The following MGST1 variants were observed in gnomAD, a reference collection of about 807,000 sequenced individuals.
MGST1 encodes glutathione S-transferase 12.
Under a neutral mutation model 8.9 loss-of-function variants are expected in MGST1, and 5 were observed. The observed-to-expected ratio is 0.56, with a 90% confidence interval of 0.29 to 1.19. MGST1 has a LOEUF of 1.19. MGST1 is among the 50% of genes most tolerant of loss of function. The pLI, the probability that MGST1 is intolerant of heterozygous loss-of-function variation, is 0.08. For missense variants in MGST1, 182 were observed against 187.4 expected (o/e 0.97, Z 0.17); for synonymous variants, 54 against 67.8 (o/e 0.80, Z 1.00).
chr12:16,429,425 C>G (rs1328460184), intron 1 of MGST1, among the ~76,000 whole-genome samples: 1 of 151,932 alleles, frequency 6.6e-6, no homozygotes, highest in Non-Finnish European at 1.5e-5. Context: ...TTTATATTTT[C>G]TCTCCCTTCA....
chr12:16,415,804 T>G (rs948873075), intron 1 of MGST1, among the ~76,000 whole-genome samples: 3 of 152,070 alleles, frequency 2.0e-5, no homozygotes, highest in Non-Finnish European at 2.9e-5. Flanking sequence ...ACCGCCCATG[T>G]TTTTCAAAGA....
At chr12:16,404,631 T>C (rs1940684733) in intron 1 of MGST1, among the ~76,000 whole-genome samples, 1 of 152,174 alleles carries the variant, frequency 6.6e-6, no homozygotes, top group South Asian at 2.1e-4. Flanking sequence ...TTTAACCTTC[T>C]CTGGGACATT....
At chr12:16,373,945 CT>C (rs1226493319) in intron 3 of MGST1, among the ~76,000 whole-genome samples, 5 of 152,114 alleles carry the variant, frequency 3.3e-5, no homozygotes, top group African/African-American at 1.2e-4. Flanking sequence ...CTTGTATGTG[CT>C]TTCCCTAGTA....
rs1473954536 is a variant in MGST1 at position 16,537,484 on chromosome 12, C to T, written n.483-52044C>T. On this transcript the variant is annotated intron_variant and non_coding_transcript_variant, in intron 4 of 4. Coordinates refer to the MGST1 transcript ENST00000538857. This position sits in a 1 kb window ranked among gnomAD's most constrained non-coding sequence, Gnocchi z 4.6. ...ACTAGGAGGTGCCCCAGTATGGACT[C>T]TGTGTGGGGGCACCAACCCCACATT... Among the ~76,000 whole-genome samples, 1 of 152,210 alleles carries T rather than the reference C, an allele frequency of 6.6e-6. No individual in the cohort carries two copies. Among genetic ancestry groups the T allele is most frequent in the Non-Finnish European group, 1.5e-5 (1 of 68,030 alleles).
At chr12:16,407,241 A>T (rs1406133256) in intron 1 of MGST1, among the ~76,000 whole-genome samples, 1 of 152,330 alleles carries the variant, frequency 6.6e-6, no homozygotes, top group East Asian at 1.9e-4. Context: ...CACATTACAA[A>T]GTGGGCAAAT....
At chr12:16,479,435 C>T (rs1412371391) in intron 4 of MGST1, among the ~76,000 whole-genome samples, 2 of 151,324 alleles carry the variant, frequency 1.3e-5, no homozygotes, top group African/African-American at 4.9e-5. Context: ...AGGGTTTCAC[C>T]GCATTAGCCA....
chr12:16,552,391 T>G (rs1591763698), intron 4 of MGST1, among the ~76,000 whole-genome samples: 1 of 152,162 alleles, frequency 6.6e-6, no homozygotes, highest in South Asian at 2.1e-4. Flanking sequence ...AGCAGAAATC[T>G]TAGTGGATAG....
chr12:16,450,558 A>G (rs1941120607), intron 4 of MGST1, among the ~76,000 whole-genome samples: 1 of 151,956 alleles, frequency 6.6e-6, no homozygotes, highest in Admixed American at 6.6e-5. Flanking sequence ...GAGTGAGAAA[A>G]TACTGTAACA....
chr12:16,543,345 C>A (rs1268887633), intron 4 of MGST1, among the ~76,000 whole-genome samples: 1 of 152,162 alleles, frequency 6.6e-6, no homozygotes, highest in African/African-American at 2.4e-5. Flanking sequence ...TCCACTATCT[C>A]TGACTACGGC....
At chr12:16,486,416 A>T (rs1941399479) in intron 4 of MGST1, among the ~76,000 whole-genome samples, 1 of 152,246 alleles carries the variant, frequency 6.6e-6, no homozygotes, top group Non-Finnish European at 1.5e-5. Flanking sequence ...AAATAAGGTT[A>T]AAAATGCTTA....
chr12:16,377,904 G>A (rs1031715746), downstream of MGST1, among the ~76,000 whole-genome samples: 4 of 151,206 alleles, frequency 2.6e-5, no homozygotes, highest in African/African-American at 9.7e-5. Context: ...CAGTGATGAT[G>A]AGCATTTTTT....
At chr12:16,439,662 A>T (rs772212652), downstream of MGST1, among the ~76,000 whole-genome samples, 11 of 151,734 alleles carry the variant, frequency 7.2e-5, no homozygotes, top group Non-Finnish European at 1.6e-4. Flanking sequence ...GGAGTAACTT[A>T]TGTGTTTTAA....
intron 4 of MGST1, among the ~76,000 whole-genome samples, chr12:16,444,746 T>A (rs1287073732): frequency 1.3e-5 from 2 of 151,898 alleles, no homozygotes; most frequent in African/African-American, 4.8e-5. Flanking sequence ...TTACTTATGC[T>A]TTTTGTTCCT....
intron 4 of MGST1, among the ~76,000 whole-genome samples, chr12:16,551,802 C>G (rs1394081394): frequency 2.6e-5 from 4 of 151,868 alleles, no homozygotes; most frequent in Non-Finnish European, 5.9e-5. Flanking sequence ...TTTAAAGCTT[C>G]CCATTTAAAG....
At chr12:16,478,425 GA>G (rs10715560) in intron 4 of MGST1, among the ~76,000 whole-genome samples, 19,199 of 152,032 alleles carry the variant, frequency 0.13, 1,662 homozygotes, top group East Asian at 0.4. Context: ...TTGTAATACA[GA>G]AAATTTTGAA....
intron 4 of MGST1, among the ~76,000 whole-genome samples, chr12:16,519,494 T>C (rs1941634922): frequency 6.6e-6 from 1 of 152,182 alleles, no homozygotes; most frequent in South Asian, 2.1e-4. Flanking sequence ...GTAGCTGGCA[T>C]TCAAGTATAT....
chr12:16,530,771 AG>A lies in MGST1; in HGVS notation n.483-58755del, dbSNP rs769785229. On this transcript the variant is annotated intron_variant and non_coding_transcript_variant, in intron 4 of 4. Transcript: ENST00000538857. ...TTTCACTGTCCATGTGTAATGTAACAGGCAAGTAGTTTTGAAGGTACCCACC... is the reference window on the plus strand; with the variant it reads ...TTTCACTGTCCATGTGTAATGTAACAGCAAGTAGTTTTGAAGGTACCCACC... Among the ~76,000 whole-genome samples, 77 of 152,266 alleles carry A rather than the reference AG, an allele frequency of 5.1e-4. 1 individual carries two copies. Among genetic ancestry groups the A allele is most frequent in the Middle Eastern group, 3.4e-3 (1 of 294 alleles).
At chr12:16,464,233 A>G (rs1221480076) in intron 4 of MGST1, among the ~76,000 whole-genome samples, 1 of 152,202 alleles carries the variant, frequency 6.6e-6, no homozygotes, top group African/African-American at 2.4e-5. Context: ...CGGGAACACA[A>G]AGTACCATTT....
exon 2 of MGST1, chr12:16,438,029 C>T (rs1265127343): frequency 6.6e-6 from 1 of 151,850 alleles, no homozygotes; most frequent in Non-Finnish European, 1.5e-5. Flanking sequence ...AAAGCTTTTG[C>T]CTGCTCTTGG....
Sources: allele counts gnomAD v4.1 joint callset (sites outside exome capture counted in the v4.1 genomes callset), GRCh38; gene constraint gnomAD v4.1.1; non-coding constraint Gnocchi (gnomAD v3.1); transcripts MANE v1.5; gene names NCBI Gene and HGNC (gene_info 2026-07-23, HGNC 2026-07-21).